Variants in BLTP3B observed in about 807,000 individuals in gnomAD.
The protein encoded by BLTP3B is bridge-like lipid transfer protein family member 3B, also known as UHRF1 (ICBP90) binding protein 1-like.
At chr12:100,059,136 C>A in the BLTP3B span, 1 of 1,614,074 alleles carries the variant, frequency 6.2e-7, no homozygotes, top group South Asian at 1.1e-5. Context: ...ACTTATTGGC[C>A]GTCCTTTTCC....
chr12:100,098,557 A>G, the BLTP3B span: 4 of 1,595,412 alleles, frequency 2.5e-6, no homozygotes, highest in Non-Finnish European at 3.4e-6. Flanking sequence ...AAAACAAAGC[A>G]AAACAAAATA....
chr12:100,059,494 C>T, the BLTP3B span: 1 of 1,605,688 alleles, frequency 6.2e-7, no homozygotes. Context: ...CGTGGCTGAT[C>T]TTGATGACAT....
the BLTP3B span, among the ~76,000 whole-genome samples, chr12:100,044,550 C>A: frequency 6.6e-6 from 1 of 152,062 alleles, no homozygotes; most frequent in Non-Finnish European, 1.5e-5. Context: ...ACATTAGCGA[C>A]CTTAAAACTT....
At chr12:100,111,277 ATTTTTTT>A in the BLTP3B span, among the ~76,000 whole-genome samples, 57 of 94,766 alleles carry the variant, frequency 6.0e-4, 1 homozygote, top group Non-Finnish European at 7.9e-4. Flanking sequence ...GGGGTTTTAG[ATTTTTTT>A]TTTTTTTTTT....
At chr12:100,142,471 G>A in the BLTP3B span, 2 of 1,103,218 alleles carry the variant, frequency 1.8e-6, no homozygotes, top group African/African-American at 3.3e-5. Flanking sequence ...GCCAGAGCGG[G>A]GAAGTCCGAA....
the BLTP3B span, among the ~76,000 whole-genome samples, chr12:100,129,488 G>A: frequency 2.6e-5 from 4 of 152,238 alleles, no homozygotes; most frequent in South Asian, 2.1e-4. Flanking sequence ...AAGATACAAC[G>A]GTGAACAAGA....
the BLTP3B span, chr12:100,086,285 A>G: frequency 6.5e-7 from 1 of 1,527,294 alleles, no homozygotes; most frequent in Non-Finnish European, 8.8e-7. Context: ...CTGCTTTATG[A>G]TAAGGATAAT....
At chr12:100,044,003 CTA>C in the BLTP3B span, among the ~76,000 whole-genome samples, 38 of 152,156 alleles carry the variant, frequency 2.5e-4, no homozygotes, top group Non-Finnish European at 4.0e-4. Context: ...TTTTAAAGAA[CTA>C]TATATATGTG....
At chr12:100,039,444 ACT>A in the BLTP3B span, 1 of 686,172 alleles carries the variant, frequency 1.5e-6, no homozygotes, top group African/African-American at 1.8e-5. Flanking sequence ...TTTGCTCAAC[ACT>A]CTAACCATAG....
the BLTP3B span, chr12:100,058,533 C>T: frequency 1.9e-6 from 3 of 1,612,976 alleles, no homozygotes; most frequent in Non-Finnish European, 2.5e-6. Flanking sequence ...ATTTATATCC[C>T]TACTAATTTG....
At chr12:100,062,560 A>G in the BLTP3B span, among the ~76,000 whole-genome samples, 1 of 152,072 alleles carries the variant, frequency 6.6e-6, no homozygotes, top group Non-Finnish European at 1.5e-5. Flanking sequence ...TACAGGGGTC[A>G]AGTTTAAAAT....
At chr12:100,137,451 T>G in the BLTP3B span, among the ~76,000 whole-genome samples, 1 of 152,182 alleles carries the variant, frequency 6.6e-6, no homozygotes, top group African/African-American at 2.4e-5. Flanking sequence ...TATTCTTTTT[T>G]TCTTTTTTGA....
At chr12:100,070,293 T>A in the BLTP3B span, 2 of 1,174,290 alleles carry the variant, frequency 1.7e-6, no homozygotes, top group Non-Finnish European at 2.2e-6. Context: ...TTAATTAATT[T>A]TTTTTTTTTT....
the BLTP3B span, among the ~76,000 whole-genome samples, chr12:100,100,334 A>T: frequency 2.0e-5 from 3 of 151,392 alleles, no homozygotes; most frequent in African/African-American, 7.3e-5. Context: ...ATAATTTTTT[A>T]AAAAAACGCT....
At chr12:100,042,110 G>A in the BLTP3B span, among the ~76,000 whole-genome samples, 5 of 152,092 alleles carry the variant, frequency 3.3e-5, no homozygotes, top group Non-Finnish European at 5.9e-5. Context: ...GAAATAAATA[G>A]ATCTAAATAG....
the BLTP3B span, chr12:100,084,378 TCACA>T: frequency 0.18 from 115,585 of 656,364 alleles, 5,838 homozygotes; most frequent in East Asian, 0.32. Context: ...AATACTATGA[TCACA>T]CACACACACA....
At chr12:100,046,731 T>A in the BLTP3B span, among the ~76,000 whole-genome samples, 12,050 of 151,764 alleles carry the variant, frequency 0.079, 584 homozygotes, top group African/African-American at 0.13. Flanking sequence ...ATAATAATAA[T>A]AATAAAAAGG....
At chr12:100,089,152 C>A in the BLTP3B span, 4 of 1,362,158 alleles carry the variant, frequency 2.9e-6, no homozygotes, top group African/African-American at 1.5e-5. Flanking sequence ...AAATTTCACA[C>A]AAAAATCTAA....
the BLTP3B span, chr12:100,048,191 C>G: frequency 6.3e-7 from 1 of 1,580,824 alleles, no homozygotes; most frequent in East Asian, 2.2e-5. Flanking sequence ...GCTTTCTGAT[C>G]GGAACCTAAG....
Sources: gnomAD v4.1 joint callset for allele counts (sites outside exome capture counted in the v4.1 genomes callset) on GRCh38, gnomAD v4.1.1 for gene constraint, MANE v1.5 for transcripts, NCBI Gene and HGNC (gene_info 2026-07-23, HGNC 2026-07-21) for gene names.